Variants in RBM23 observed in about 807,000 individuals in gnomAD.
RBM23 encodes the protein RNA binding motif protein 23.
Under a neutral mutation model 56.2 loss-of-function variants are expected in RBM23, and 53 were observed. That is an observed-to-expected ratio of 0.94 (90% CI 0.76 to 1.19). The LOEUF (loss-of-function observed/expected upper bound fraction) is 1.19. RBM23 is among the 50% of genes most tolerant of loss of function. The pLI is 0.00. For synonymous variants in RBM23, 197 were observed against 198.5 expected (o/e 0.99, Z 0.06); for missense variants, 642 against 590.3 (o/e 1.09, Z -0.91).
intron 1 of RBM23, chr14:22,911,970 T>C (rs1489113624): frequency 6.6e-6 from 1 of 152,330 alleles, no homozygotes; most frequent in Non-Finnish European, 1.5e-5. Flanking sequence ...TAGTCAAGGA[T>C]ATAGAAGAAA....
At chr14:22,908,423 GA>G in intron 3 of RBM23, 43 bp from the exon 4 acceptor site, 1 of 1,522,346 alleles carries the variant, frequency 6.6e-7, no homozygotes, top group Non-Finnish European at 8.8e-7. Context: ...TTTTAATTTT[GA>G]GAAAGAATCT....
At chr14:22,903,953 C>T (rs1035761322) in intron 10 of RBM23, 4 of 1,312,308 alleles carry the variant, frequency 3.0e-6, no homozygotes, top group Admixed American at 3.2e-5. Context: ...CCTAACCTCC[C>T]TCACACCCCC....
intron 1 of RBM23, 77 bp from the exon 2 acceptor site, chr14:22,911,480 A>G: frequency 1.6e-6 from 2 of 1,216,846 alleles, no homozygotes; most frequent in Non-Finnish European, 1.2e-6. Flanking sequence ...TTTCTTTCCC[A>G]CTCCAAGAAA....
chr14:22,910,356 G>A, intron 2 of RBM23, among the ~76,000 whole-genome samples: 1 of 147,976 alleles, frequency 6.8e-6, no homozygotes, highest in Non-Finnish European at 1.5e-5. Context: ...CTACTTGGGA[G>A]GCAGGAGAAT....
chr14:22,904,396 TGC>T, intron 9 of RBM23, 70 bp from the exon 10 acceptor site: 1 of 1,228,218 alleles, frequency 8.1e-7, no homozygotes, highest in African/African-American at 1.6e-5. Flanking sequence ...CTACCCAGAC[TGC>T]TTTTTTTTTT....
rs2040298366 is a variant in RBM23, at chr14:22,899,150, G to A, written c.*2580C>T. 1 of 152,170 alleles carries A rather than the reference G, an allele frequency of 6.6e-6. No homozygotes were observed. Among genetic ancestry groups the A allele is most frequent in the South Asian group, 2.1e-4 (1 of 4,828 alleles). The allele number at this position is 152,170 out of a possible 1,614,324, so 9.4% of individuals were successfully genotyped here. ...TCCCAATGCAACAGTGTTGAAGATG[G>A]GGCTTAATACGAGGTGACTGAGTCA... On this transcript the variant is annotated 3_prime_UTR_variant, in exon 14 of 14. Coordinates refer to ENST00000359890, the MANE Select transcript of RBM23 (RefSeq NM_001077351.2).
chr14:22,906,095 C>T (rs2041496367), intron 5 of RBM23, 100 bp downstream of exon 5: 2 of 1,360,712 alleles, frequency 1.5e-6, no homozygotes, highest in Non-Finnish European at 2.0e-6. Context: ...CTGCCAATCA[C>T]AATGTGTTAT....
At chr14:22,918,205 G>C (rs1030340903) in intron 1 of RBM23, among the ~76,000 whole-genome samples, 1 of 151,956 alleles carries the variant, frequency 6.6e-6, no homozygotes, top group East Asian at 1.9e-4. Flanking sequence ...GGTCAGCCTG[G>C]CTAACATGGC....
At chr14:22,910,442 C>T (rs1265211925) in intron 2 of RBM23, among the ~76,000 whole-genome samples, 3 of 71,612 alleles carry the variant, frequency 4.2e-5, no homozygotes, top group Admixed American at 4.6e-4. Context: ...ATGAGTGAAA[C>T]TTCATCTCAA....
At chr14:22,909,696 A>C (rs1385449755) in intron 2 of RBM23, 101 bp from the exon 3 acceptor site, 1 of 842,622 alleles carries the variant, frequency 1.2e-6, no homozygotes, top group East Asian at 2.4e-5. Context: ...AAATCAAACC[A>C]CTTGATTATC....
chr14:22,904,929 C>A lies in RBM23; in HGVS notation c.810G>T (p.Leu270=). Reference sequence around the variant, plus strand: ...GCATGTCTTCAGTGATATTGAAGTGCAGGGAACCCACATAGAGGCGCATTG... The same window carrying A: ...GCATGTCTTCAGTGATATTGAAGTGAAGGGAACCCACATAGAGGCGCATTG... ...GGPMRLYVGS[L]HFNITEDMLR... Residue 270 remains leucine, a synonymous_variant, in exon 9 of 14, where the codon CTG becomes CTT. Coordinates refer to ENST00000359890, the MANE Select transcript of RBM23 (RefSeq NM_001077351.2). The A allele has an allele frequency of 1.2e-6, 2 of 1,614,222 alleles. No homozygotes were observed. The highest frequency in any genetic ancestry group is 1.7e-6 in the Non-Finnish European group (2 of 1,180,032).
chr14:22,901,613 A>C lies in RBM23; in HGVS notation c.*117T>G. The C allele has an allele frequency of 6.9e-7, 1 of 1,440,796 alleles. No individual in the cohort carries two copies. The highest frequency in any genetic ancestry group is 9.7e-7 in the Non-Finnish European group (1 of 1,032,976). The allele number at this position is 1,440,796 out of a possible 1,614,324, so 89.3% of individuals were successfully genotyped here. ...GGGTGGCCCCAATTTCCTCAGAGAC[A>C]ATGTCCATGCCCTCAGGATGGCTTG... On this transcript the variant is annotated 3_prime_UTR_variant, in exon 14 of 14. Coordinates refer to ENST00000359890, the MANE Select transcript of RBM23 (RefSeq NM_001077351.2).
At chr14:22,917,630 G>A (rs1482040151) in intron 1 of RBM23, 1 of 150,872 alleles carries the variant, frequency 6.6e-6, no homozygotes, top group Non-Finnish European at 1.5e-5. Context: ...CAGGATGGTC[G>A]CGATCTCCTG....
chr14:22,902,534 C>G, intron 10 of RBM23, 152 bp from the exon 11 acceptor site: 1 of 1,384,764 alleles, frequency 7.2e-7, no homozygotes, highest in Non-Finnish European at 9.4e-7. Flanking sequence ...CTAGGCCCAT[C>G]ACCTCAAAAT....
In RBM23 at chr14:22,901,491, A is replaced by G. The variant is rs1277232806; in HGVS notation, c.*239T>C. Reference sequence around the variant, plus strand: ...ATACACATGGAGAAACAGGTATTCAATGCAGGTGTGGATTCTGTTCTCTTC... The same window carrying G: ...ATACACATGGAGAAACAGGTATTCAGTGCAGGTGTGGATTCTGTTCTCTTC... On this transcript the variant is annotated 3_prime_UTR_variant, in exon 14 of 14. Coordinates refer to ENST00000359890, the MANE Select transcript of RBM23 (RefSeq NM_001077351.2). 1 of 607,268 alleles carries G rather than the reference A, an allele frequency of 1.6e-6. No homozygotes were observed. Among genetic ancestry groups the G allele is most frequent in the East Asian group, 2.8e-5 (1 of 36,130 alleles). 37.6% of individuals were successfully genotyped at this position (607,268 alleles called of 1,614,324 possible).
intron 4 of RBM23, among the ~76,000 whole-genome samples, chr14:22,907,631 A>G (rs1282281345): frequency 6.6e-6 from 1 of 152,248 alleles, no homozygotes; most frequent in Non-Finnish European, 1.5e-5. Context: ...ACTTCACGAT[A>G]AAAAGTAATG....
chr14:22,903,965 A>G, intron 10 of RBM23: 1 of 1,335,412 alleles, frequency 7.5e-7, no homozygotes, highest in South Asian at 1.5e-5. Context: ...CACACCCCCA[A>G]CCTTTTAGCT....
At position 22,905,582 on chromosome 14, in the gene RBM23, A is replaced by T. The variant is rs750199191; in HGVS notation, c.455+24T>A. ...TTTTATTCATACCTCACAATCCCTA[A>T]AACAGTGTTCATTATCAACCCACCT... On this transcript the variant is annotated intron_variant, in intron 6 of 13. Coordinates refer to ENST00000359890, the MANE Select transcript of RBM23 (RefSeq NM_001077351.2). The T allele has an allele frequency of 1.9e-6, 3 of 1,607,568 alleles. No homozygotes were observed. The South Asian group carries it at 3.3e-5, about 18-fold the overall frequency.
At position 22,900,115 on chromosome 14, in the gene RBM23, C is replaced by A. The variant is rs926083181; in HGVS notation, c.*1615G>T. The A allele has an allele frequency of 6.6e-6, 1 of 152,142 alleles. No homozygotes were observed. Among genetic ancestry groups the A allele is most frequent in the Admixed American group, 6.5e-5 (1 of 15,282 alleles). 9.4% of individuals were successfully genotyped at this position (152,142 alleles called of 1,614,324 possible). Reference sequence around the variant, plus strand: ...CACTGGTCCCAGGCCTGTGTTATCCCAGGCAGAGCCACATGGAAAGCAGGA... The same window carrying A: ...CACTGGTCCCAGGCCTGTGTTATCCAAGGCAGAGCCACATGGAAAGCAGGA... On this transcript the variant is annotated 3_prime_UTR_variant, in exon 14 of 14. Coordinates refer to ENST00000359890, the MANE Select transcript of RBM23 (RefSeq NM_001077351.2).
Sources: allele counts gnomAD v4.1 joint callset (sites outside exome capture counted in the v4.1 genomes callset), GRCh38; gene constraint gnomAD v4.1.1; transcripts MANE v1.5; gene names NCBI Gene and HGNC (gene_info 2026-07-23, HGNC 2026-07-21).